The following SLC4A7 variants were observed in gnomAD, a reference collection of about 807,000 sequenced individuals.
SLC4A7 encodes sodium bicarbonate cotransporter 3.
A neutral mutation model predicts 137.6 loss-of-function variants in SLC4A7; 51 were observed. The observed-to-expected ratio is 0.37, with a 90% CI of 0.30 to 0.47. SLC4A7 has a LOEUF of 0.47. SLC4A7 is among the 20% of genes least tolerant of loss of function. The pLI is 1.00. For missense variants in SLC4A7, 1,247 were observed against 1,525.4 expected (o/e 0.82, Z 3.04); for synonymous variants, 542 against 518.6 (o/e 1.05, Z -0.61).
At chr3:27,431,154 A>C in intron 7 of SLC4A7, 144 bp downstream of exon 7, 1 of 918,952 alleles carries the variant, frequency 1.1e-6, no homozygotes, top group Non-Finnish European at 1.5e-6. Context: ...ACAATCTATC[A>C]TAAAGAAAAA....
At position 27,430,051 on chromosome 3, in the gene SLC4A7, A is replaced by G. The variant is rs2150361483; in HGVS notation, c.1150+1247T>C. On this transcript the variant is annotated intron_variant, in intron 7 of 25. Coordinates refer to ENST00000454389, the MANE Select transcript of SLC4A7 (RefSeq NM_001321103.2). The stretch of plus-strand genomic sequence containing the variant: ...GGCAACACAGCAAGATACCGTCTCT[A>G]CAAAAAACTTAGCCAGATGTTGTGG... Among the ~76,000 whole-genome samples the G allele has an allele frequency of 2.0e-5, 3 of 151,874 alleles. No individual in the cohort carries two copies. The South Asian group carries it at 6.2e-4, about 32-fold the overall frequency.
At chr3:27,419,702 T>C (rs533787355) in intron 10 of SLC4A7, among the ~76,000 whole-genome samples, 11 of 152,006 alleles carry the variant, frequency 7.2e-5, no homozygotes, top group Admixed American at 7.2e-4. Context: ...AAGGAAATGA[T>C]ACATTCAAAT....
Position 27,431,416 on chromosome 3 carries a change from C to T in SLC4A7, c.1032G>A (p.Leu344=), listed in dbSNP as rs2056271272. ...GAATATCATCACTGGCAGGTGAAAC[C>T]AGTAGTTCTGGGGCCTGACGCTGAC... The part of the protein sequence containing the change: ...QESQRQAPEL[L]VSPASDDIPT... The change falls in exon 7 of 26, where the codon CTG becomes CTA. Residue 344 remains leucine (L), a synonymous_variant. Transcript: ENST00000454389. The T allele has an allele frequency of 6.2e-7, 1 of 1,613,990 alleles. No homozygotes were observed. Among genetic ancestry groups the T allele is most frequent in the Non-Finnish European group, 8.5e-7 (1 of 1,179,948 alleles).
intron 7 of SLC4A7, among the ~76,000 whole-genome samples, chr3:27,425,865 G>A (rs181150084): frequency 6.6e-6 from 1 of 151,982 alleles, no homozygotes; most frequent in East Asian, 1.9e-4. Context: ...AACATTATAG[G>A]AGGAAAAGGT....
intron 24 of SLC4A7, 130 bp downstream of exon 24, chr3:27,383,023 G>A (rs553275582): frequency 4.7e-6 from 3 of 632,438 alleles, no homozygotes; most frequent in Admixed American, 6.6e-5. Flanking sequence ...CCCTCCTTTA[G>A]TTGATACACC....
intron 7 of SLC4A7, among the ~76,000 whole-genome samples, chr3:27,425,370 T>TA (rs56153970): frequency 0.012 from 685 of 56,984 alleles, 25 homozygotes; most frequent in African/African-American, 0.038. Flanking sequence ...AACTCCGTCC[T>TA]AAAAAAAAAA....
chr3:27,456,635 A>G, intron 1 of SLC4A7: 1 of 1,498,536 alleles, frequency 6.7e-7, no homozygotes, highest in Non-Finnish European at 9.3e-7. Context: ...AGACAAGATC[A>G]TAATTAGGTA....
chr3:27,440,232 A>G (rs2057080539), intron 3 of SLC4A7, among the ~76,000 whole-genome samples: 1 of 152,150 alleles, frequency 6.6e-6, no homozygotes, highest in South Asian at 2.1e-4. Flanking sequence ...AGGCTCTAGG[A>G]AAATCAAATT....
At chr3:27,391,078 C>T (rs1302985702) in intron 21 of SLC4A7, among the ~76,000 whole-genome samples, 1 of 152,164 alleles carries the variant, frequency 6.6e-6, no homozygotes, top group African/African-American at 2.4e-5. Context: ...CTGCCTCAGG[C>T]TTTCAGAGTG....
chr3:27,430,605 CAAAAAAAAAA>C (rs36019447), intron 7 of SLC4A7, among the ~76,000 whole-genome samples: 4 of 96,664 alleles, frequency 4.1e-5, no homozygotes. Context: ...ACCCCGTCTC[CAAAAAAAAAA>C]AAAAAAAAAG....
rs1243312694 is a variant in SLC4A7, at chr3:27,374,423, T to G, written c.*2341A>C. The G allele has an allele frequency of 6.6e-6, 1 of 152,582 alleles. No individual in the cohort carries two copies. The highest frequency in any genetic ancestry group is 1.5e-5 in the Non-Finnish European group (1 of 67,950). 9.5% of individuals were successfully genotyped at this position (152,582 alleles called of 1,614,324 possible). On this transcript the variant is annotated 3_prime_UTR_variant, in exon 26 of 26. Coordinates refer to ENST00000454389, the MANE Select transcript of SLC4A7 (RefSeq NM_001321103.2). ...TTTATTTAAAAATCAATATATGTAGTAAATTATATCTGTCACTGTCTCTCA... is the reference window on the plus strand; with the variant it reads ...TTTATTTAAAAATCAATATATGTAGGAAATTATATCTGTCACTGTCTCTCA...
intron 3 of SLC4A7, among the ~76,000 whole-genome samples, chr3:27,447,950 A>G (rs2057785141): frequency 6.6e-6 from 1 of 151,980 alleles, no homozygotes; most frequent in African/African-American, 2.4e-5. Flanking sequence ...GGTGGCTCAC[A>G]CCTGTAATCC....
intron 7 of SLC4A7, among the ~76,000 whole-genome samples, chr3:27,429,793 G>C (rs2056078035): frequency 6.6e-6 from 1 of 151,678 alleles, no homozygotes; most frequent in Non-Finnish European, 1.5e-5. Flanking sequence ...AGGCTGCAGT[G>C]AACCAAGATG....
At chr3:27,426,814 A>C in intron 7 of SLC4A7, among the ~76,000 whole-genome samples, 1 of 152,162 alleles carries the variant, frequency 6.6e-6, no homozygotes, top group East Asian at 1.9e-4. Context: ...AGCTAAACTA[A>C]AACTGTTTTC....
At chr3:27,465,724 C>T (rs1307520778) in intron 1 of SLC4A7, among the ~76,000 whole-genome samples, 2 of 151,684 alleles carry the variant, frequency 1.3e-5, no homozygotes, top group Non-Finnish European at 2.9e-5. Context: ...CTTTGAGAGG[C>T]CGAGGCGGAC....
intron 10 of SLC4A7, 120 bp downstream of exon 10, chr3:27,420,580 T>A (rs2054865670): frequency 1.8e-6 from 1 of 545,258 alleles, no homozygotes; most frequent in East Asian, 3.2e-5. Context: ...TAAAACAGTA[T>A]ACACAGCAAG....
intron 24 of SLC4A7, among the ~76,000 whole-genome samples, chr3:27,382,096 G>A (rs989939720): frequency 2.0e-5 from 3 of 152,060 alleles, no homozygotes; most frequent in African/African-American, 4.8e-5. Context: ...TACAAATCAG[G>A]TGTGTACACA....
chr3:27,397,950 A>G, intron 17 of SLC4A7, 153 bp from the exon 18 acceptor site: 1 of 620,550 alleles, frequency 1.6e-6, no homozygotes, highest in Non-Finnish European at 2.8e-6. Context: ...TTTATATTTA[A>G]TTCTTTCCAA....
chr3:27,426,920 A>T (rs890743052), intron 7 of SLC4A7, among the ~76,000 whole-genome samples: 2 of 152,240 alleles, frequency 1.3e-5, no homozygotes, highest in African/African-American at 4.8e-5. Flanking sequence ...ACAAACACAG[A>T]AGGACTATAT....
Sources: allele counts gnomAD v4.1 joint callset (sites outside exome capture counted in the v4.1 genomes callset), GRCh38; gene constraint gnomAD v4.1.1; transcripts MANE v1.5; gene names NCBI Gene and HGNC (gene_info 2026-07-23, HGNC 2026-07-21).